The following STAB2 variants were observed in gnomAD, a reference collection of about 807,000 sequenced individuals.
The protein encoded by STAB2 is stabilin 2, also known as stabilin-2.
A neutral mutation model predicts 338.1 loss-of-function variants in STAB2; 288 were observed. That is an observed-to-expected ratio of 0.85 (90% CI 0.77 to 0.94). The LOEUF (loss-of-function observed/expected upper bound fraction) is 0.94, where lower values mean the gene tolerates loss of function less well. Ranked by LOEUF, STAB2 falls within the 40% of genes least tolerant of loss-of-function variation. The probability of loss-of-function intolerance (pLI) is 0.00; values close to 1 mark genes in which losing one functional copy is unlikely to be tolerated. For missense variants in STAB2, 3,141 were observed against 3,210.1 expected, an observed-to-expected ratio of 0.98 and a Z score of 0.52; for synonymous variants, 1,202 against 1,193.3, an observed-to-expected ratio of 1.01 and a Z score of -0.15.
intron 3 of STAB2, among the ~76,000 whole-genome samples, chr12:103,596,243 C>G (rs185030991): frequency 2.2e-4 from 33 of 152,300 alleles, no homozygotes; most frequent in African/African-American, 7.7e-4. Flanking sequence ...TTGCTTTTCT[C>G]TTTCTAACCC....
intron 8 of STAB2, among the ~76,000 whole-genome samples, chr12:103,639,768 C>T (rs998351396): frequency 2.0e-5 from 3 of 149,466 alleles, no homozygotes; most frequent in Middle Eastern, 3.2e-3. Flanking sequence ...TAGATTGAGA[C>T]TCCTGGTTGG....
rs764776853 is a variant in STAB2 at position 103,753,306 on chromosome 12, G to A, written c.6667G>A (p.Glu2223Lys). 3.2e-5 allele frequency: 51 copies of A among 1,614,132 alleles called. No homozygotes were observed. In the Admixed American group the frequency reaches 3.8e-4, roughly 12 times the overall value. ...FDKAREACAN[E>K]AATMATYNQL... ...CAAAGCCAGAGAGGCCTGTGCCAAC[G>A]AAGCTGCGACCATGGCAACCTACAA... The change falls in exon 61 of 69, where the codon GAA (glutamate) becomes AAA (lysine). Residue 2223 changes from glutamate (E) to lysine (K), a missense_variant. Glu to Lys is a moderately conservative substitution (Grantham distance 56). Transcript: ENST00000388887.
At chr12:103,758,612 CTGTT>C (rs1418915021) in intron 64 of STAB2, among the ~76,000 whole-genome samples, 4 of 152,178 alleles carry the variant, frequency 2.6e-5, no homozygotes, top group Non-Finnish European at 5.9e-5. Flanking sequence ...TCTCAAGCCT[CTGTT>C]TGGTCACATT....
intron 25 of STAB2, among the ~76,000 whole-genome samples, chr12:103,679,423 G>A (rs1231440923): frequency 6.6e-6 from 1 of 152,068 alleles, no homozygotes; most frequent in African/African-American, 2.4e-5. Context: ...GTTAAAAAGT[G>A]GAACTGCTTA....
intron 51 of STAB2, among the ~76,000 whole-genome samples, chr12:103,733,402 A>ATT (rs147710441): frequency 1.3e-5 from 2 of 149,756 alleles, no homozygotes; most frequent in Non-Finnish European, 3.0e-5. Context: ...GGACCTGCCA[A>ATT]TTTTTTTTTT....
chr12:103,615,258 G>A (rs1002402085), intron 3 of STAB2, among the ~76,000 whole-genome samples: 2 of 151,706 alleles, frequency 1.3e-5, no homozygotes, highest in African/African-American at 4.8e-5. Context: ...TTACTTAGAG[G>A]AAACAGGTGT....
chr12:103,755,852 T>C lies in STAB2; in HGVS notation c.6987+134T>C, dbSNP rs755285256. ...TGGGTGCTGGACCACCTTGCCTGAATCTAAAGCCTAGTTTTGCCACTCACT... is the reference window on the plus strand; with the variant it reads ...TGGGTGCTGGACCACCTTGCCTGAACCTAAAGCCTAGTTTTGCCACTCACT... On this transcript the variant is annotated intron_variant, in intron 63 of 68. Coordinates refer to ENST00000388887, the MANE Select transcript of STAB2 (RefSeq NM_017564.10). The C allele has an allele frequency of 2.8e-5, 22 of 776,452 alleles. 1 individual carries two copies. Among genetic ancestry groups the C allele is most frequent in the Admixed American group, 1.0e-4 (4 of 38,658 alleles). The allele number at this position is 776,452 out of a possible 1,614,324, so 48.1% of individuals were successfully genotyped here. A position where few individuals can be genotyped will look rare whatever the true frequency, so the allele number is the denominator to read the frequency against.
chr12:103,612,605 G>A (rs1317786660), intron 3 of STAB2, among the ~76,000 whole-genome samples: 1 of 152,034 alleles, frequency 6.6e-6, no homozygotes, highest in East Asian at 1.9e-4. Flanking sequence ...TTTTCAAGGT[G>A]TTTAACTTCT....
chr12:103,681,613 C>CTTTTTTTT (rs907234037), intron 25 of STAB2, among the ~76,000 whole-genome samples: 3 of 92,952 alleles, frequency 3.2e-5, no homozygotes, highest in Non-Finnish European at 6.4e-5. Flanking sequence ...TTCCCCCCTA[C>CTTTTTTTT]TTTTTTTTTT....
Position 103,753,331 on chromosome 12 carries a change from A to C in STAB2, c.6692A>C (p.Asn2231Thr), listed in dbSNP as rs549427644. The C allele has an allele frequency of 6.2e-7, 1 of 1,614,222 alleles. No individual in the cohort carries two copies. The highest frequency in any genetic ancestry group is 8.5e-7 in the Non-Finnish European group (1 of 1,180,038). Residue 2231 changes from asparagine (N) to threonine (T), a missense_variant, in exon 61 of 69, where the codon AAC becomes ACC. Transcript: ENST00000388887. ...GAAGCTGCGACCATGGCAACCTACA[A>C]CCAGCTCTCCTATGCCCAGAAGGTG... ...ANEAATMATYNQLSYAQKAKY... is the reference protein window; with the variant it reads ...ANEAATMATYTQLSYAQKAKY...
intron 3 of STAB2, among the ~76,000 whole-genome samples, chr12:103,599,186 C>G (rs1356103262): frequency 6.6e-6 from 1 of 152,208 alleles, no homozygotes; most frequent in African/African-American, 2.4e-5. Flanking sequence ...ATAGGCACCT[C>G]TAGAGTTTCT....
chr12:103,655,537 A>G lies in STAB2; in HGVS notation c.1690A>G (p.Asn564Asp), dbSNP rs975620385. 1.2e-6 allele frequency: 2 copies of G among 1,613,902 alleles called. No individual in the cohort carries two copies. Among genetic ancestry groups the G allele is most frequent in the African/African-American group, 2.7e-5 (2 of 74,882 alleles). Reference sequence around the variant, plus strand: ...TTTTGTTCCAAATAATGAAGCATTGAATAACATGAAGGACGGCACTCTCGA... The same window carrying G: ...TTTTGTTCCAAATAATGAAGCATTGGATAACATGAAGGACGGCACTCTCGA... Reference protein sequence around the residue: ...TIFVPNNEALNNMKDGTLDYL... With the variant: ...TIFVPNNEALDNMKDGTLDYL... The change falls in exon 15 of 69, where the codon AAT (asparagine) becomes GAT (aspartate). Residue 564 changes from asparagine (N) to aspartate (D), a missense_variant. Physicochemically the swap from Asn to Asp is conservative, Grantham distance 23 (BLOSUM62 1). Transcript: ENST00000388887.
At chr12:103,668,750 G>A in intron 20 of STAB2, 21 bp downstream of exon 20, 2 of 1,528,378 alleles carry the variant, frequency 1.3e-6, no homozygotes, top group Non-Finnish European at 8.8e-7. Flanking sequence ...CGTGGCCGAG[G>A]CCCAGTCTAG....
rs1208677734 is a variant in STAB2, at chr12:103,695,807, T to C, written c.3545T>C (p.Ile1182Thr). The C allele has an allele frequency of 1.2e-6, 2 of 1,614,052 alleles. No homozygotes were observed. Among genetic ancestry groups the C allele is most frequent in the African/African-American group, 1.3e-5 (1 of 74,902 alleles). The change falls in exon 33 of 69, where the codon ATC becomes ACC. Residue 1182 changes from isoleucine to threonine, a missense_variant. Physicochemically the swap from Ile to Thr is moderately conservative, Grantham distance 89. Coordinates refer to ENST00000388887, the MANE Select transcript of STAB2 (RefSeq NM_017564.10). The part of the protein sequence containing the change: ...YTVFAPNNNA[I>T]ENYIREKKVL... ...GTGTTTGCTCCAAACAACAATGCCA[T>C]CGAGAATTACATCAGGGAGAAGAAA...
At chr12:103,715,915 AG>A in intron 43 of STAB2, 27 bp downstream of exon 43, 2 of 1,612,974 alleles carry the variant, frequency 1.2e-6, no homozygotes, top group Non-Finnish European at 1.7e-6. Flanking sequence ...CCAGGCCCTT[AG>A]GTTTCCTAAA....
intron 9 of STAB2, among the ~76,000 whole-genome samples, chr12:103,645,467 A>G (rs1873261834): frequency 6.6e-6 from 1 of 152,230 alleles, no homozygotes; most frequent in Non-Finnish European, 1.5e-5. Flanking sequence ...CAACTCAAGA[A>G]ACTTTTACAG....
intron 3 of STAB2, among the ~76,000 whole-genome samples, chr12:103,612,090 C>T (rs542313976): frequency 2.0e-5 from 3 of 152,220 alleles, no homozygotes; most frequent in East Asian, 3.9e-4. Flanking sequence ...TTGTGTAACC[C>T]GACCTTTCTC....
intron 1 of STAB2, among the ~76,000 whole-genome samples, chr12:103,590,040 T>C (rs560857594): frequency 5.5e-4 from 83 of 152,246 alleles, no homozygotes; most frequent in African/African-American, 1.8e-3. Context: ...TGTACAAAGC[T>C]GCTCCATCTT....
intron 15 of STAB2, among the ~76,000 whole-genome samples, chr12:103,655,850 A>C (rs1874141795): frequency 1.3e-5 from 2 of 152,186 alleles, no homozygotes; most frequent in Admixed American, 6.5e-5. Flanking sequence ...TCCCAGGCCT[A>C]AATGGTTGGT....
Sources: allele counts gnomAD v4.1 joint callset (sites outside exome capture counted in the v4.1 genomes callset), GRCh38; gene constraint gnomAD v4.1.1; transcripts MANE v1.5; gene names NCBI Gene and HGNC (gene_info 2026-07-23, HGNC 2026-07-21).